The following AOAH variants were observed in gnomAD, a reference collection of about 807,000 sequenced individuals.
AOAH encodes acyloxyacyl hydrolase (neutrophil).
A neutral mutation model predicts 92.2 loss-of-function variants in AOAH; 64 were observed. That is an observed-to-expected ratio of 0.69 (90% CI 0.57 to 0.86). AOAH has a LOEUF of 0.86. Ranked by LOEUF, AOAH falls within the 40% of genes least tolerant of loss-of-function variation. The pLI is 0.00. For missense variants in AOAH, 656 were observed against 694.6 expected (o/e 0.94, Z 0.62); for synonymous variants, 263 against 254.5 (o/e 1.03, Z -0.32).
intron 13 of AOAH, 114 bp downstream of exon 13, chr7:36,576,460 C>T (rs180941794): frequency 3.0e-5 from 19 of 639,446 alleles, no homozygotes; most frequent in Middle Eastern, 5.4e-4. Flanking sequence ...GAAGGGAGAC[C>T]GTTCATTTTA....
intron 3 of AOAH, among the ~76,000 whole-genome samples, chr7:36,659,700 G>C (rs1206600624): frequency 6.6e-6 from 1 of 151,800 alleles, no homozygotes; most frequent in Non-Finnish European, 1.5e-5. Context: ...TACTTTCTTA[G>C]GCACAATCCA....
chr7:36,517,262 CTCTTTCTT>C (rs142858220), intron 20 of AOAH, among the ~76,000 whole-genome samples: 115,903 of 132,632 alleles, frequency 0.87, 52,028 homozygotes, highest in East Asian at 0.98. Flanking sequence ...CTGTGTCTCT[CTCTTTCTT>C]TCTTTCTTTC....
intron 13 of AOAH, among the ~76,000 whole-genome samples, chr7:36,561,945 T>G (rs1787300751): frequency 6.6e-6 from 1 of 152,082 alleles, no homozygotes; most frequent in Non-Finnish European, 1.5e-5. Flanking sequence ...CTGTGAAAAA[T>G]TTTTGAAAAG....
At chr7:36,712,541 G>C (rs1798837004) in intron 1 of AOAH, among the ~76,000 whole-genome samples, 1 of 152,118 alleles carries the variant, frequency 6.6e-6, no homozygotes, top group Non-Finnish European at 1.5e-5. Context: ...TGCAACATTT[G>C]AAAAGTGGCA....
intron 19 of AOAH, among the ~76,000 whole-genome samples, chr7:36,527,127 T>C (rs888416199): frequency 1.4e-4 from 22 of 152,238 alleles, no homozygotes; most frequent in African/African-American, 5.1e-4. Flanking sequence ...GTTTAGTTCA[T>C]AACCAGTTGG....
At chr7:36,649,312 G>A (rs138067308) in intron 4 of AOAH, among the ~76,000 whole-genome samples, 14 of 152,166 alleles carry the variant, frequency 9.2e-5, no homozygotes, top group African/African-American at 2.7e-4. Flanking sequence ...AGACTTGAGC[G>A]GGTTACTAGG....
chr7:36,529,704 T>C (rs1261107651), intron 19 of AOAH, among the ~76,000 whole-genome samples: 1 of 152,182 alleles, frequency 6.6e-6, no homozygotes, highest in South Asian at 2.1e-4. Context: ...GGCTTTGCTC[T>C]TGTATAAAAA....
chr7:36,689,111 C>T (rs938925785), intron 1 of AOAH, among the ~76,000 whole-genome samples: 11 of 152,130 alleles, frequency 7.2e-5, no homozygotes, highest in African/African-American at 2.7e-4. Context: ...CCTTTAGTTG[C>T]TTCCCAGCTC....
At chr7:36,593,797 G>T (rs2116801770) in intron 12 of AOAH, among the ~76,000 whole-genome samples, 1 of 152,270 alleles carries the variant, frequency 6.6e-6, no homozygotes, top group African/African-American at 2.4e-5. Context: ...TACCATGTTA[G>T]GGACACTTGC....
At chr7:36,707,641 C>T (rs187053941) in intron 1 of AOAH, among the ~76,000 whole-genome samples, 1 of 152,196 alleles carries the variant, frequency 6.6e-6, no homozygotes, top group Admixed American at 6.5e-5. Context: ...CTAAAAAGTT[C>T]TGATGAAAGT....
chr7:36,553,618 T>C (rs1408520969), intron 13 of AOAH, among the ~76,000 whole-genome samples: 1 of 152,114 alleles, frequency 6.6e-6, no homozygotes, highest in East Asian at 1.9e-4. Context: ...GTAAAAGTGT[T>C]CCTATTTCTC....
intron 2 of AOAH, among the ~76,000 whole-genome samples, chr7:36,678,926 C>T (rs950727030): frequency 6.6e-6 from 1 of 152,102 alleles, no homozygotes; most frequent in African/African-American, 2.4e-5. Flanking sequence ...TTGACAGTAG[C>T]TTAGCTAAAG....
intron 3 of AOAH, among the ~76,000 whole-genome samples, chr7:36,671,909 TAG>T (rs1795964398): frequency 2.6e-5 from 4 of 152,146 alleles, no homozygotes; most frequent in African/African-American, 7.2e-5. Flanking sequence ...TGTATGGGGC[TAG>T]GAGTCCTCCA....
In AOAH at chr7:36,724,181, C is replaced by G; in HGVS notation, c.-33G>C. ...CTATGCACCCCAAGTGATCACCCGG[C>G]TTTGGAAGCTCCCAACTGAGGGATG... On this transcript the variant is annotated 5_prime_UTR_variant, in exon 1 of 21. Transcript: ENST00000617537. 1 of 1,608,724 alleles carries G rather than the reference C, an allele frequency of 6.2e-7. No homozygotes were observed. Among genetic ancestry groups the G allele is most frequent in the Non-Finnish European group, 8.5e-7 (1 of 1,176,772 alleles).
At chr7:36,567,870 C>T (rs1017496561) in intron 13 of AOAH, among the ~76,000 whole-genome samples, 7 of 152,208 alleles carry the variant, frequency 4.6e-5, no homozygotes, top group Non-Finnish European at 8.8e-5. Flanking sequence ...CTCCCAGAGG[C>T]GGCATCTCTC....
intron 1 of AOAH, among the ~76,000 whole-genome samples, chr7:36,722,707 G>T (rs1254228825): frequency 6.6e-6 from 1 of 151,764 alleles, no homozygotes; most frequent in Non-Finnish European, 1.5e-5. Context: ...AGCCAAGGGG[G>T]GCGGATCACG....
At chr7:36,530,730 A>G (rs1784644152) in intron 18 of AOAH, 1 of 473,806 alleles carries the variant, frequency 2.1e-6, no homozygotes, top group Non-Finnish European at 3.8e-6. Context: ...GAATCAAATC[A>G]GTGTAAATTA....
intron 4 of AOAH, among the ~76,000 whole-genome samples, chr7:36,638,944 C>A (rs1198694727): frequency 1.3e-5 from 2 of 152,202 alleles, no homozygotes; most frequent in African/African-American, 4.8e-5. Context: ...GACCACCCAG[C>A]CTCTTCCTTG....
chr7:36,560,390 T>C (rs1347073473), intron 13 of AOAH, among the ~76,000 whole-genome samples: 1 of 152,224 alleles, frequency 6.6e-6, no homozygotes, highest in Admixed American at 6.5e-5. Context: ...CCATTTGTTT[T>C]GTGTCATCCA....
Sources: allele counts gnomAD v4.1 joint callset (sites outside exome capture counted in the v4.1 genomes callset), GRCh38; gene constraint gnomAD v4.1.1; transcripts MANE v1.5; gene names NCBI Gene and HGNC (gene_info 2026-07-23, HGNC 2026-07-21).